Variants in RPS6KA5 observed in about 807,000 individuals in gnomAD.
RPS6KA5 encodes the protein ribosomal protein S6 kinase A5, also known as ribosomal protein S6 kinase alpha-5.
RPS6KA5 carries 27 observed loss-of-function variants against 85.5 expected under a neutral mutation model. That is an observed-to-expected ratio of 0.32 (90% CI 0.23 to 0.44). The LOEUF (loss-of-function observed/expected upper bound fraction) is 0.44. RPS6KA5 is among the 20% of genes least tolerant of loss of function. The probability of loss-of-function intolerance (pLI) is 1.00; values close to 1 mark genes in which losing one functional copy is unlikely to be tolerated. For synonymous variants in RPS6KA5, 334 were observed against 348.2 expected, an observed-to-expected ratio of 0.96 and a Z score of 0.46; for missense variants, 811 against 980.9, an observed-to-expected ratio of 0.83 and a Z score of 2.31.
intron 2 of RPS6KA5, among the ~76,000 whole-genome samples, chr14:90,994,673 G>A (rs1215137977): frequency 7.0e-6 from 1 of 143,824 alleles, no homozygotes; most frequent in African/African-American, 2.6e-5. Context: ...CTGGGTTCAT[G>A]CCATTCTCCT....
chr14:90,875,757 A>G (rs10139517), intron 14 of RPS6KA5, among the ~76,000 whole-genome samples: 2,567 of 151,976 alleles, frequency 0.017, 91 homozygotes, highest in African/African-American at 0.059. Context: ...TTGTAGGGAC[A>G]TGGATGAAGC....
At chr14:90,909,240 C>A (rs555469254) in intron 7 of RPS6KA5, among the ~76,000 whole-genome samples, 71 of 152,310 alleles carry the variant, frequency 4.7e-4, no homozygotes, top group Non-Finnish European at 9.3e-4. Context: ...GGAGACATTT[C>A]TTGGGTGTTG....
chr14:90,900,040 T>C lies in RPS6KA5; in HGVS notation c.1379+68A>G, dbSNP rs2035076051. 2.3e-6 allele frequency: 3 copies of C among 1,307,146 alleles called. No homozygotes were observed. The South Asian group carries it at 5.3e-5, about 23-fold the overall frequency. The allele number at this position is 1,307,146 out of a possible 1,614,324, so 81.0% of individuals were successfully genotyped here. A position where few individuals can be genotyped will look rare whatever the true frequency, so the allele number is the denominator to read the frequency against. ...AATATAATACTGGTTTCAATTAAAA[T>C]AAATATCTTTTAATTTACAGAATTC... On this transcript the variant is annotated intron_variant, in intron 11 of 16. Transcript: ENST00000614987.
intron 3 of RPS6KA5, among the ~76,000 whole-genome samples, chr14:90,962,334 C>T (rs1452393279): frequency 6.6e-6 from 1 of 151,072 alleles, no homozygotes; most frequent in Non-Finnish European, 1.5e-5. Flanking sequence ...GACAGAGTCT[C>T]ACTCTCTTGC....
At chr14:91,004,499 C>T (rs1020755086) in intron 1 of RPS6KA5, among the ~76,000 whole-genome samples, 16 of 152,118 alleles carry the variant, frequency 1.1e-4, no homozygotes, top group African/African-American at 3.9e-4. Flanking sequence ...TGGTTCTTGT[C>T]TTTGCTCAAA....
chr14:90,954,107 A>G (rs756022952), intron 3 of RPS6KA5, among the ~76,000 whole-genome samples: 1 of 152,312 alleles, frequency 6.6e-6, no homozygotes, highest in South Asian at 2.1e-4. Flanking sequence ...CCAGAGGCCC[A>G]GCTGTAAAAT....
At chr14:90,915,448 A>G (rs1176516582) in intron 7 of RPS6KA5, among the ~76,000 whole-genome samples, 1 of 152,166 alleles carries the variant, frequency 6.6e-6, no homozygotes, top group African/African-American at 2.4e-5. Context: ...AGGTTAGAGC[A>G]GCCCACATTG....
chr14:91,014,777 T>C (rs561221299), intron 1 of RPS6KA5, among the ~76,000 whole-genome samples: 48 of 152,302 alleles, frequency 3.2e-4, no homozygotes, highest in African/African-American at 1.1e-3. Context: ...ATTAATGCAC[T>C]ATTGTTAAAT....
rs533214411 is a variant in RPS6KA5 at position 90,973,252 on chromosome 14, C to A, written c.394+5054G>T. ...GGTCAGGAGTTGGAGACCAGCCTAGCCAACATGGTGAAACCCTGTCTCTAC... is the reference window on the plus strand; with the variant it reads ...GGTCAGGAGTTGGAGACCAGCCTAGACAACATGGTGAAACCCTGTCTCTAC... On this transcript the variant is annotated intron_variant, in intron 3 of 16. Coordinates refer to ENST00000614987, the MANE Select transcript of RPS6KA5 (RefSeq NM_004755.4). 7.0e-4 allele frequency among the ~76,000 whole-genome samples: 106 copies of A among 152,236 alleles called. 1 individual carries two copies. Among genetic ancestry groups the A allele is most frequent in the Admixed American group, 1.2e-3 (19 of 15,304 alleles).
intron 1 of RPS6KA5, among the ~76,000 whole-genome samples, chr14:91,030,365 A>T (rs1476669787): frequency 2.6e-5 from 4 of 152,124 alleles, no homozygotes; most frequent in African/African-American, 9.7e-5. Context: ...TGGTTTCAGA[A>T]AGCAGAGAGC....
chr14:91,046,973 G>C (rs1202068090), intron 1 of RPS6KA5, among the ~76,000 whole-genome samples: 1 of 151,404 alleles, frequency 6.6e-6, no homozygotes, highest in African/African-American at 2.4e-5. Flanking sequence ...GAGCTCAGGA[G>C]GTCATTGAGG....
chr14:91,019,152 G>A lies in RPS6KA5; in HGVS notation c.104-17993C>T, dbSNP rs952817203. On this transcript the variant is annotated intron_variant, in intron 1 of 16. Coordinates refer to ENST00000614987, the MANE Select transcript of RPS6KA5 (RefSeq NM_004755.4). ...GCCTAAGGAGATGTGTAAGGGTACC[G>A]AGCTGAAAAGGGGTAGACTTGTGGG... is the stretch of plus-strand genomic sequence containing the variant. Among the ~76,000 whole-genome samples the A allele has an allele frequency of 1.1e-4, 16 of 152,054 alleles. No homozygotes were observed. The East Asian group carries it at 1.2e-3, about 11-fold the overall frequency.
At chr14:91,035,943 G>A (rs187053227) in intron 1 of RPS6KA5, among the ~76,000 whole-genome samples, 2 of 92,800 alleles carry the variant, frequency 2.2e-5, no homozygotes, top group East Asian at 3.8e-4. Flanking sequence ...CTTCAAGCAA[G>A]CACTTAGGGT....
intron 3 of RPS6KA5, among the ~76,000 whole-genome samples, chr14:90,957,195 G>T (rs2038566784): frequency 6.6e-6 from 1 of 152,012 alleles, no homozygotes; most frequent in African/African-American, 2.4e-5. Flanking sequence ...CTTCTCAGTA[G>T]CAGGAATTAC....
chr14:91,059,329 A>C (rs1192166764), intron 1 of RPS6KA5, among the ~76,000 whole-genome samples: 1 of 149,672 alleles, frequency 6.7e-6, no homozygotes, highest in Non-Finnish European at 1.5e-5. Context: ...AACAAGAGCG[A>C]AACTCTGTCT....
intron 4 of RPS6KA5, among the ~76,000 whole-genome samples, chr14:90,946,870 T>C (rs982813704): frequency 6.6e-6 from 1 of 152,222 alleles, no homozygotes; most frequent in South Asian, 2.1e-4. Context: ...ACAGTTTGCA[T>C]AGGGTCACAG....
At chr14:91,036,886 T>G (rs541786588) in intron 1 of RPS6KA5, among the ~76,000 whole-genome samples, 1 of 152,252 alleles carries the variant, frequency 6.6e-6, no homozygotes, top group East Asian at 1.9e-4. Flanking sequence ...TTCTGCTGGG[T>G]GGACAGTGGA....
rs547941655 is a variant in RPS6KA5 at position 90,854,822 on chromosome 14, G to A, written c.*17252C>T. The A allele has an allele frequency of 6.6e-6, 1 of 152,204 alleles. No individual in the cohort carries two copies. The highest frequency in any genetic ancestry group is 1.9e-4 in the East Asian group (1 of 5,192). 9.4% of individuals were successfully genotyped at this position (152,204 alleles called of 1,614,324 possible). ...TATTCAAAATATATTATTAAAAAAT[G>A]TCAATACCTAGTTACTTCAAAAAAT... On this transcript the variant is annotated 3_prime_UTR_variant, in exon 17 of 17. Coordinates refer to ENST00000614987, the MANE Select transcript of RPS6KA5 (RefSeq NM_004755.4).
Position 91,060,363 on chromosome 14 carries a change from C to T in RPS6KA5, c.72G>A (p.Gln24=), listed in dbSNP as rs1343296599. Reference sequence around the variant, plus strand: ...GCAGCTCGTGCTTGACAGTGAGGAGCTGCTCTCCTCCGTCGCCGCCGTCCG... The same window carrying T: ...GCAGCTCGTGCTTGACAGTGAGGAGTTGCTCTCCTCCGTCGCCGCCGTCCG... ...TSADGGDGGE[Q]LLTVKHELRT... The change falls in exon 1 of 17, where the codon CAG becomes CAA. Residue 24 remains glutamine (Q), a synonymous_variant. Transcript: ENST00000614987. The T allele has an allele frequency of 1.3e-5, 20 of 1,496,344 alleles. No homozygotes were observed. The highest frequency in any genetic ancestry group is 2.0e-5 in the Admixed American group (1 of 49,512). The allele number at this position is 1,496,344 out of a possible 1,614,324, so 92.7% of individuals were successfully genotyped here.
Sources: allele counts gnomAD v4.1 joint callset (sites outside exome capture counted in the v4.1 genomes callset), GRCh38; gene constraint gnomAD v4.1.1; transcripts MANE v1.5; gene names NCBI Gene and HGNC (gene_info 2026-07-23, HGNC 2026-07-21).